The following WDR70 variants were observed in gnomAD, a reference collection of about 807,000 sequenced individuals.
The protein encoded by WDR70 is WD repeat domain 70.
A neutral mutation model predicts 88.6 loss-of-function variants in WDR70; 53 were observed. The ratio of observed to expected loss-of-function variants is 0.60; its 90% CI spans 0.48 to 0.75. The LOEUF (loss-of-function observed/expected upper bound fraction) is 0.75, where lower values mean the gene tolerates loss of function less well. WDR70 is among the 30% of genes least tolerant of loss of function. The probability of loss-of-function intolerance (pLI) is 0.00; values close to 1 mark genes in which losing one functional copy is unlikely to be tolerated. For synonymous variants in WDR70, 280 were observed against 270.0 expected (o/e 1.04, Z -0.36); for missense variants, 610 against 823.2 (o/e 0.74, Z 3.17).
intron 7 of WDR70, among the ~76,000 whole-genome samples, chr5:37,453,358 C>A (rs1272054284): frequency 4.0e-5 from 6 of 151,710 alleles, no homozygotes. Flanking sequence ...TATAGATATT[C>A]GATTAACTAA....
intron 5 of WDR70, among the ~76,000 whole-genome samples, chr5:37,409,119 A>G (rs1432435132): frequency 1.3e-5 from 2 of 151,862 alleles, no homozygotes; most frequent in East Asian, 3.9e-4. Context: ...TTGTATTTTT[A>G]GTAGAGATGG....
At chr5:37,595,169 A>C (rs961924803) in intron 9 of WDR70, among the ~76,000 whole-genome samples, 1 of 152,196 alleles carries the variant, frequency 6.6e-6, no homozygotes, top group African/African-American at 2.4e-5. Context: ...CAGAACTTCC[A>C]ACACTATGTT....
At chr5:37,614,189 C>T (rs1744266239) in intron 10 of WDR70, among the ~76,000 whole-genome samples, 1 of 152,158 alleles carries the variant, frequency 6.6e-6, no homozygotes, top group African/African-American at 2.4e-5. Flanking sequence ...TTGCCTTTTC[C>T]AGTTTCTAGA....
intron 12 of WDR70, 61 bp downstream of exon 12, chr5:37,701,203 T>A: frequency 3.7e-6 from 4 of 1,071,106 alleles, no homozygotes; most frequent in Non-Finnish European, 5.6e-6. Context: ...GTACTTTTAC[T>A]TTAATGTTAA....
chr5:37,592,081 TC>T (rs1172338246), intron 9 of WDR70, among the ~76,000 whole-genome samples: 8 of 152,208 alleles, frequency 5.3e-5, no homozygotes, highest in African/African-American at 1.9e-4. Flanking sequence ...ATATCTATTA[TC>T]CAAAATGTCT....
chr5:37,394,273 G>C (rs186168654), intron 4 of WDR70, among the ~76,000 whole-genome samples: 10 of 138,628 alleles, frequency 7.2e-5, no homozygotes, highest in African/African-American at 2.7e-4. Context: ...ACTCTAGAGT[G>C]AGACTCTGTC....
intron 7 of WDR70, among the ~76,000 whole-genome samples, chr5:37,469,019 T>G (rs1002314392): frequency 6.6e-6 from 1 of 152,194 alleles, no homozygotes; most frequent in African/African-American, 2.4e-5. Flanking sequence ...CTCACAGAAC[T>G]TTGATTCTAA....
chr5:37,468,539 A>C (rs1408460583), intron 7 of WDR70, among the ~76,000 whole-genome samples: 1 of 152,180 alleles, frequency 6.6e-6, no homozygotes. Context: ...GTTTTAATAC[A>C]TGTACTCAAT....
chr5:37,752,690 A>G lies in WDR70; in HGVS notation c.*117A>G, dbSNP rs1748850428. The G allele has an allele frequency of 3.9e-6, 3 of 769,434 alleles. No individual in the cohort carries two copies. The highest frequency in any genetic ancestry group is 6.2e-6 in the Non-Finnish European group (3 of 480,240). The allele number at this position is 769,434 out of a possible 1,614,324, so 47.7% of individuals were successfully genotyped here. ...TTTATGAACAGGTTTTGTCCTTTGC[A>G]TTATTGAACTGGTCAAAAGTTTGGT... On this transcript the variant is annotated 3_prime_UTR_variant, in exon 18 of 18. Coordinates refer to ENST00000265107, the MANE Select transcript of WDR70 (RefSeq NM_018034.4).
chr5:37,510,723 T>C (rs1581350286), intron 8 of WDR70, among the ~76,000 whole-genome samples: 1 of 152,246 alleles, frequency 6.6e-6, no homozygotes, highest in Non-Finnish European at 1.5e-5. Context: ...CTGATCAAGA[T>C]CACACATTGT....
At chr5:37,484,519 C>T (rs191142861) in intron 8 of WDR70, among the ~76,000 whole-genome samples, 33 of 152,234 alleles carry the variant, frequency 2.2e-4, no homozygotes, top group African/African-American at 5.5e-4. Flanking sequence ...AGTCCAGCTT[C>T]GGCTTGGCAT....
At chr5:37,660,810 A>T (rs1424957447) in intron 10 of WDR70, among the ~76,000 whole-genome samples, 3 of 152,214 alleles carry the variant, frequency 2.0e-5, no homozygotes, top group East Asian at 1.9e-4. Flanking sequence ...TTGGCCCAAC[A>T]TATATTCAGG....
chr5:37,588,612 T>G (rs1451125634), intron 9 of WDR70, among the ~76,000 whole-genome samples: 4 of 152,084 alleles, frequency 2.6e-5, no homozygotes, highest in Non-Finnish European at 5.9e-5. Context: ...GGAGTCACTC[T>G]GTCACCCACG....
chr5:37,679,327 G>A (rs1361395593), intron 10 of WDR70, among the ~76,000 whole-genome samples: 2 of 151,728 alleles, frequency 1.3e-5, no homozygotes, highest in Admixed American at 1.3e-4. Context: ...AGAGTTTCCA[G>A]TTTTTCTGCT....
intron 7 of WDR70, among the ~76,000 whole-genome samples, chr5:37,457,363 T>C (rs1192548238): frequency 6.6e-6 from 1 of 152,256 alleles, no homozygotes; most frequent in Non-Finnish European, 1.5e-5. Flanking sequence ...CCCAAAGTGC[T>C]GGGATTACAG....
chr5:37,439,217 T>G (rs1581278536), intron 6 of WDR70, among the ~76,000 whole-genome samples: 1 of 152,092 alleles, frequency 6.6e-6, no homozygotes, highest in African/African-American at 2.4e-5. Flanking sequence ...CGTTCCCGGC[T>G]TGGAGTCCTC....
chr5:37,396,827 CCAAAAAACAAA>C (rs1749028648), intron 5 of WDR70, among the ~76,000 whole-genome samples: 2 of 151,860 alleles, frequency 1.3e-5, no homozygotes, highest in African/African-American at 4.8e-5. Context: ...GACTCCATCT[CCAAAAAACAAA>C]CAAAAAACCA....
intron 10 of WDR70, among the ~76,000 whole-genome samples, chr5:37,651,193 A>G: frequency 6.6e-6 from 1 of 151,750 alleles, no homozygotes; most frequent in East Asian, 1.9e-4. Context: ...GCTCCCACTT[A>G]TCAGTGAGAA....
At chr5:37,705,634 G>A (rs1414704483) in intron 13 of WDR70, among the ~76,000 whole-genome samples, 1 of 151,240 alleles carries the variant, frequency 6.6e-6, no homozygotes, top group Non-Finnish European at 1.5e-5. Context: ...ACGTCTTCTT[G>A]GAATGTAAAA....
Sources: gnomAD v4.1 joint callset for allele counts (sites outside exome capture counted in the v4.1 genomes callset) on GRCh38, gnomAD v4.1.1 for gene constraint, MANE v1.5 for transcripts, NCBI Gene and HGNC (gene_info 2026-07-23, HGNC 2026-07-21) for gene names.